The following MAPK4 variants were observed in gnomAD, a reference collection of about 807,000 sequenced individuals.
The protein encoded by MAPK4 is mitogen-activated protein kinase 4.
MAPK4 carries 22 observed loss-of-function variants against 47.7 expected under a neutral mutation model. That is an observed-to-expected ratio of 0.46 (90% confidence interval 0.33 to 0.66). The LOEUF (loss-of-function observed/expected upper bound fraction) is 0.66. Among genes scored for constraint, MAPK4 ranks in the 30% least tolerant of loss-of-function variants. The probability of loss-of-function intolerance (pLI) is 0.02; values close to 1 mark genes in which losing one functional copy is unlikely to be tolerated. For missense variants in MAPK4, 736 were observed against 831.7 expected, an observed-to-expected ratio of 0.88 and a Z score of 1.42; for synonymous variants, 390 against 365.7, an observed-to-expected ratio of 1.07 and a Z score of -0.76.
At chr18:50,687,914 A>T (rs556578064) in intron 2 of MAPK4, among the ~76,000 whole-genome samples, 5 of 152,116 alleles carry the variant, frequency 3.3e-5, no homozygotes, top group Admixed American at 3.3e-4. Flanking sequence ...CTAGGAAAAA[A>T]AAGAGAAAGC....
intron 1 of MAPK4, among the ~76,000 whole-genome samples, chr18:50,660,014 G>A (rs552895497): frequency 3.0e-4 from 46 of 152,308 alleles, no homozygotes; most frequent in Non-Finnish European, 5.9e-4. Context: ...GGGCCAGTGG[G>A]CCCACACCTC....
chr18:50,659,705 T>G (rs1455375871), intron 1 of MAPK4, among the ~76,000 whole-genome samples: 1 of 152,218 alleles, frequency 6.6e-6, no homozygotes, highest in Non-Finnish European at 1.5e-5. Flanking sequence ...TTCCTGTGTT[T>G]TATTACGATG....
At chr18:50,699,305 T>A (rs748736619) in intron 2 of MAPK4, among the ~76,000 whole-genome samples, 2 of 152,198 alleles carry the variant, frequency 1.3e-5, no homozygotes, top group Non-Finnish European at 2.9e-5. Flanking sequence ...CAATGAAATG[T>A]TAAAAGCTTT....
chr18:50,731,611 GAA>G lies in MAPK4; in HGVS notation c.*1761_*1762del, dbSNP rs1431535757. 1 of 152,246 alleles carries G rather than the reference GAA, an allele frequency of 6.6e-6. No individual in the cohort carries two copies. The highest frequency in any genetic ancestry group is 1.5e-5 in the Non-Finnish European group (1 of 67,990). The allele number at this position is 152,246 out of a possible 1,614,324, so 9.4% of individuals were successfully genotyped here. A position where few individuals can be genotyped will look rare whatever the true frequency, so the allele number is the denominator to read the frequency against. Reference sequence around the variant, plus strand: ...TGTTTGGGTTTTGTTTTTTCTTTAAGAAAAAGAAATGTACACCACTCCTCATG... The same window carrying G: ...TGTTTGGGTTTTGTTTTTTCTTTAAGAAAGAAATGTACACCACTCCTCATG... On this transcript the variant is annotated 3_prime_UTR_variant, in exon 6 of 6. Coordinates refer to ENST00000400384, the MANE Select transcript of MAPK4 (RefSeq NM_002747.4).
chr18:50,571,831 G>C (rs912737355), intron 1 of MAPK4, among the ~76,000 whole-genome samples: 1 of 152,176 alleles, frequency 6.6e-6, no homozygotes, highest in Non-Finnish European at 1.5e-5. Context: ...GTACTTATCA[G>C]AGACCATGAC....
chr18:50,675,462 G>A (rs1433599564), intron 2 of MAPK4, among the ~76,000 whole-genome samples: 4 of 150,488 alleles, frequency 2.7e-5, no homozygotes, highest in Admixed American at 1.3e-4. Flanking sequence ...GACTACAGGT[G>A]CCTGCCACCA....
intron 4 of MAPK4, among the ~76,000 whole-genome samples, chr18:50,724,996 C>T (rs1401641895): frequency 6.6e-6 from 1 of 152,210 alleles, no homozygotes; most frequent in Non-Finnish European, 1.5e-5. Flanking sequence ...AGCAGAGCTC[C>T]CAGGGCACCC....
chr18:50,718,591 A>C (rs1910760825), intron 3 of MAPK4, among the ~76,000 whole-genome samples: 1 of 152,232 alleles, frequency 6.6e-6, no homozygotes, highest in Non-Finnish European at 1.5e-5. Context: ...AATAAGGAGT[A>C]ATGAGAGACC....
At chr18:50,611,674 A>ACGTAG (rs1187734303) in intron 1 of MAPK4, among the ~76,000 whole-genome samples, 1 of 152,150 alleles carries the variant, frequency 6.6e-6, no homozygotes, top group African/African-American at 2.4e-5. Flanking sequence ...TCATTTAATG[A>ACGTAG]CGTAGCGTTT....
chr18:50,649,619 G>A (rs2043027215), intron 1 of MAPK4, among the ~76,000 whole-genome samples: 1 of 152,192 alleles, frequency 6.6e-6, no homozygotes, highest in South Asian at 2.1e-4. Context: ...CGTATAAGTT[G>A]ACCACCTTAA....
chr18:50,579,900 C>G (rs1313177767), intron 1 of MAPK4, among the ~76,000 whole-genome samples: 16 of 152,216 alleles, frequency 1.1e-4, no homozygotes, highest in Admixed American at 7.2e-4. Flanking sequence ...GAGTTCTCAT[C>G]CATTCCTGGC....
chr18:50,609,608 T>A (rs1157140255), intron 1 of MAPK4, among the ~76,000 whole-genome samples: 1 of 152,188 alleles, frequency 6.6e-6, no homozygotes, highest in Non-Finnish European at 1.5e-5. Context: ...GGTACTGTTC[T>A]TCTACATGCT....
intron 2 of MAPK4, among the ~76,000 whole-genome samples, chr18:50,685,004 C>A (rs954688930): frequency 6.6e-6 from 1 of 152,172 alleles, no homozygotes; most frequent in Non-Finnish European, 1.5e-5. Context: ...TTCCTGTTTC[C>A]TCTCTAAGCC....
intron 1 of MAPK4, among the ~76,000 whole-genome samples, 189 bp from the exon 2 acceptor site, chr18:50,662,900 C>T (rs1156473026): frequency 1.3e-5 from 2 of 152,258 alleles, no homozygotes; most frequent in Non-Finnish European, 2.9e-5. Context: ...TCTTCTGTCT[C>T]TTCCAGGGGA....
At chr18:50,564,360 C>T (rs2042180255) in intron 1 of MAPK4, among the ~76,000 whole-genome samples, 1 of 152,196 alleles carries the variant, frequency 6.6e-6, no homozygotes, top group Admixed American at 6.5e-5. Flanking sequence ...GGGTGCTTAA[C>T]AGCATCCCTG....
At chr18:50,583,432 G>A (rs1319225681) in intron 1 of MAPK4, among the ~76,000 whole-genome samples, 2 of 151,994 alleles carry the variant, frequency 1.3e-5, no homozygotes, top group Non-Finnish European at 2.9e-5. Flanking sequence ...TACTAAAAAT[G>A]CAAAAAATTA....
chr18:50,675,419 C>T (rs534196529), intron 2 of MAPK4, among the ~76,000 whole-genome samples: 4 of 151,606 alleles, frequency 2.6e-5, no homozygotes, highest in South Asian at 2.1e-4. Context: ...CGGGTTCATG[C>T]GATTCTCCTG....
intron 1 of MAPK4, among the ~76,000 whole-genome samples, chr18:50,625,680 G>A (rs760591925): frequency 1.5e-4 from 23 of 152,022 alleles, no homozygotes; most frequent in Non-Finnish European, 3.1e-4. Flanking sequence ...CCATACCAAA[G>A]CCAGGCTGGA....
At chr18:50,634,656 T>C (rs991553508) in intron 1 of MAPK4, among the ~76,000 whole-genome samples, 15 of 152,202 alleles carry the variant, frequency 9.9e-5, no homozygotes, top group African/African-American at 3.6e-4. Context: ...AGAAATTCTG[T>C]GATCTGAAAC....
Sources: gnomAD v4.1 joint callset for allele counts (sites outside exome capture counted in the v4.1 genomes callset) on GRCh38, gnomAD v4.1.1 for gene constraint, MANE v1.5 for transcripts, NCBI Gene and HGNC (gene_info 2026-07-23, HGNC 2026-07-21) for gene names.